The following KLHL1 variants were observed in gnomAD, a reference collection of about 807,000 sequenced individuals.
KLHL1 encodes kelch like family member 1.
KLHL1 carries 47 observed loss-of-function variants against 77.7 expected under a neutral mutation model. That is an observed-to-expected ratio of 0.60 (90% CI 0.48 to 0.77). The LOEUF (loss-of-function observed/expected upper bound fraction) is 0.77. Among genes scored for constraint, KLHL1 ranks in the 30% least tolerant of loss-of-function variants. The probability of loss-of-function intolerance (pLI) is 0.00; values close to 1 mark genes in which losing one functional copy is unlikely to be tolerated. For missense variants in KLHL1, 925 were observed against 910.8 expected (o/e 1.02, Z -0.20); for synonymous variants, 360 against 325.2 (o/e 1.11, Z -1.15).
intron 8 of KLHL1, among the ~76,000 whole-genome samples, chr13:69,724,192 G>C (rs867206876): frequency 6.4e-4 from 97 of 152,052 alleles, no homozygotes; most frequent in African/African-American, 2.3e-3. Context: ...TTTTGCCTTG[G>C]AGTAGCCCAC....
At chr13:70,015,251 T>C (rs1885629435) in intron 1 of KLHL1, among the ~76,000 whole-genome samples, 1 of 152,134 alleles carries the variant, frequency 6.6e-6, no homozygotes, top group Non-Finnish European at 1.5e-5. Flanking sequence ...CCTAGACATA[T>C]GATATAACCT....
intron 1 of KLHL1, among the ~76,000 whole-genome samples, chr13:69,998,631 A>G (rs1885214378): frequency 6.6e-6 from 1 of 152,074 alleles, no homozygotes; most frequent in Non-Finnish European, 1.5e-5. Flanking sequence ...TCAATCAATA[A>G]CTAGGACCTT....
At chr13:69,866,153 A>G (rs1880357871) in intron 5 of KLHL1, among the ~76,000 whole-genome samples, 1 of 152,138 alleles carries the variant, frequency 6.6e-6, no homozygotes, top group Non-Finnish European at 1.5e-5. Context: ...AAAAGAGTAC[A>G]GCACTTATGC....
chr13:69,787,492 T>C (rs1338472307), intron 7 of KLHL1, among the ~76,000 whole-genome samples: 12 of 152,048 alleles, frequency 7.9e-5, no homozygotes, highest in Non-Finnish European at 1.6e-4. Flanking sequence ...TTCCTTACAC[T>C]TTATACAAAA....
intron 7 of KLHL1, among the ~76,000 whole-genome samples, chr13:69,765,362 A>G (rs1016203064): frequency 6.6e-6 from 1 of 152,152 alleles, no homozygotes; most frequent in Non-Finnish European, 1.5e-5. Context: ...TTGTATACTA[A>G]TAGATATCTT....
At chr13:69,736,333 A>G (rs1276290660) in intron 8 of KLHL1, among the ~76,000 whole-genome samples, 1 of 152,132 alleles carries the variant, frequency 6.6e-6, no homozygotes, top group East Asian at 1.9e-4. Context: ...CAAAACCACA[A>G]TGGATTTAAC....
chr13:69,947,958 T>C (rs17085728), intron 3 of KLHL1, among the ~76,000 whole-genome samples: 2,159 of 152,232 alleles, frequency 0.014, 62 homozygotes, highest in African/African-American at 0.049. Context: ...CAAATAAGCT[T>C]ACTAAAAGGG....
At chr13:69,702,492 A>G (rs918409837) in intron 10 of KLHL1, among the ~76,000 whole-genome samples, 1 of 151,720 alleles carries the variant, frequency 6.6e-6, no homozygotes, top group African/African-American at 2.4e-5. Context: ...TAAGAATATC[A>G]GGGTAGACTA....
Position 69,971,326 on chromosome 13 carries a change from T to C in KLHL1, c.680+4294A>G, listed in dbSNP as rs535171332. Among the ~76,000 whole-genome samples, 19 of 152,192 alleles carry C rather than the reference T, an allele frequency of 1.2e-4. No homozygotes were observed. The South Asian group carries it at 3.9e-3, about 32-fold the overall frequency. On this transcript the variant is annotated intron_variant, in intron 2 of 10. Transcript: ENST00000377844. ...ATCATCATCATCATCATCATTATCA[T>C]TGACTCAGTTGTTATTCCTCTCCTC...
At chr13:69,855,288 TTAGATAGATAGATAGA>T (rs200890874) in intron 5 of KLHL1, among the ~76,000 whole-genome samples, 10,491 of 141,852 alleles carry the variant, frequency 0.074, 467 homozygotes, top group Middle Eastern at 0.16. Flanking sequence ...CGTACTAATT[TTAGATAGATAGATAGA>T]TAGATAGATA....
chr13:69,761,010 A>C (rs867186052), intron 7 of KLHL1, among the ~76,000 whole-genome samples: 1 of 152,178 alleles, frequency 6.6e-6, no homozygotes, highest in Non-Finnish European at 1.5e-5. Context: ...AAATGGGCCC[A>C]GTTGACAACT....
chr13:69,767,336 G>A (rs1385329790), intron 7 of KLHL1, among the ~76,000 whole-genome samples: 3 of 152,056 alleles, frequency 2.0e-5, no homozygotes, highest in African/African-American at 4.8e-5. Context: ...TACAGAACTT[G>A]CACACTAACA....
intron 1 of KLHL1, among the ~76,000 whole-genome samples, chr13:70,062,830 T>C (rs1886923379): frequency 6.6e-6 from 1 of 152,182 alleles, no homozygotes; most frequent in Non-Finnish European, 1.5e-5. Flanking sequence ...ATTTTAGTTA[T>C]ATGAACATAG....
chr13:70,002,385 G>A (rs1885314521), intron 1 of KLHL1, among the ~76,000 whole-genome samples: 2 of 151,314 alleles, frequency 1.3e-5, no homozygotes, highest in South Asian at 4.2e-4. Context: ...GTTGGAGTTG[G>A]CAGAAGTAAG....
chr13:69,783,546 C>T (rs1056516321), intron 7 of KLHL1, among the ~76,000 whole-genome samples: 29 of 151,506 alleles, frequency 1.9e-4, no homozygotes, highest in South Asian at 1.9e-3. Flanking sequence ...CCTCAGGAGC[C>T]GATGCGATCA....
chr13:69,988,342 A>T (rs1884932666), intron 1 of KLHL1, among the ~76,000 whole-genome samples: 1 of 152,036 alleles, frequency 6.6e-6, no homozygotes, highest in Non-Finnish European at 1.5e-5. Flanking sequence ...TATGTACCAC[A>T]TTGTCTTTAT....
At chr13:69,890,628 T>G (rs1311272308) in intron 4 of KLHL1, among the ~76,000 whole-genome samples, 1 of 150,574 alleles carries the variant, frequency 6.6e-6, no homozygotes, top group East Asian at 1.9e-4. Flanking sequence ...TATTAATATT[T>G]TTCTTCCACA....
chr13:69,845,612 C>T (rs1879428846), intron 5 of KLHL1, among the ~76,000 whole-genome samples: 1 of 151,148 alleles, frequency 6.6e-6, no homozygotes, highest in Admixed American at 6.6e-5. Context: ...TTCTATATAC[C>T]TGACAAAATT....
In KLHL1 at chr13:69,959,628, T is replaced by G. The variant is rs1282208249; in HGVS notation, c.817+1680A>C. 2.7e-5 allele frequency among the ~76,000 whole-genome samples: 4 copies of G among 149,164 alleles called. No individual in the cohort carries two copies. In the South Asian group the frequency reaches 8.5e-4, roughly 32 times the overall value. ...GATGTTAAGTCTTTTTAAAAACCTC[T>G]TGCTAGTTTGCTAGTTTTACAACCC... On this transcript the variant is annotated intron_variant, in intron 3 of 10. Coordinates refer to ENST00000377844, the MANE Select transcript of KLHL1 (RefSeq NM_020866.3).
Sources: allele counts gnomAD v4.1 joint callset (sites outside exome capture counted in the v4.1 genomes callset), GRCh38; gene constraint gnomAD v4.1.1; transcripts MANE v1.5; gene names NCBI Gene and HGNC (gene_info 2026-07-23, HGNC 2026-07-21).